Variants in PTPRE observed in about 807,000 individuals in gnomAD.
The protein encoded by PTPRE is protein tyrosine phosphatase receptor type E.
PTPRE carries 51 observed loss-of-function variants against 102.0 expected under a neutral mutation model. That is an observed-to-expected ratio of 0.50 (90% CI 0.40 to 0.63). The LOEUF is 0.63. PTPRE is among the 30% of genes least tolerant of loss of function. The pLI is 0.00. For missense variants in PTPRE, 752 were observed against 915.1 expected, an observed-to-expected ratio of 0.82 and a Z score of 2.30; for synonymous variants, 345 against 348.2, an observed-to-expected ratio of 0.99 and a Z score of 0.10.
intron 3 of PTPRE, among the ~76,000 whole-genome samples, chr10:128,041,646 C>CAAA (rs59411622): frequency 1.9e-4 from 15 of 77,344 alleles, no homozygotes; most frequent in East Asian, 1.6e-3. Flanking sequence ...GACTACGTCT[C>CAAA]AAAAAAAAAA....
At chr10:128,051,453 A>G (rs1367948635) in intron 6 of PTPRE, among the ~76,000 whole-genome samples, 4 of 152,236 alleles carry the variant, frequency 2.6e-5, no homozygotes, top group African/African-American at 4.8e-5. Context: ...AAATAACACG[A>G]CCATAAAGGA....
At chr10:127,994,606 A>G (rs537538828) in intron 2 of PTPRE, among the ~76,000 whole-genome samples, 213 of 152,358 alleles carry the variant, frequency 1.4e-3, no homozygotes, top group Non-Finnish European at 2.4e-3. Context: ...ATAAATAAAT[A>G]CATGAAGTCA....
chr10:128,048,566 C>A (rs1236512394), intron 5 of PTPRE, among the ~76,000 whole-genome samples: 1 of 152,120 alleles, frequency 6.6e-6, no homozygotes, highest in Non-Finnish European at 1.5e-5. Context: ...CAACAAGGAC[C>A]CAGCTGAAAT....
chr10:127,990,046 C>T (rs1371607432), intron 2 of PTPRE, among the ~76,000 whole-genome samples: 3 of 152,084 alleles, frequency 2.0e-5, no homozygotes, highest in African/African-American at 7.2e-5. Flanking sequence ...GCTTAGAGAG[C>T]CAATGTTTGA....
Position 128,008,514 on chromosome 10 carries a change from C to T in PTPRE, c.-8+26218C>T, listed in dbSNP as rs1181627263. Among the ~76,000 whole-genome samples, 1 of 152,148 alleles carries T rather than the reference C, an allele frequency of 6.6e-6. No homozygotes were observed. Among genetic ancestry groups the T allele is most frequent in the Non-Finnish European group, 1.5e-5 (1 of 68,018 alleles). Reference sequence around the variant, plus strand: ...CCAGTTGATCAATATCCCCTTTATTCTAGTAGGTCAGGGGACTCTGGAGTT... The same window carrying T: ...CCAGTTGATCAATATCCCCTTTATTTTAGTAGGTCAGGGGACTCTGGAGTT... On this transcript the variant is annotated intron_variant, in intron 2 of 20. Coordinates refer to ENST00000254667, the MANE Select transcript of PTPRE (RefSeq NM_006504.6). The surrounding 1 kb of genome is among the most constrained non-coding windows in gnomAD (Gnocchi z 4.0).
chr10:128,029,701 T>C (rs1283089735), intron 2 of PTPRE, among the ~76,000 whole-genome samples: 1 of 152,026 alleles, frequency 6.6e-6, no homozygotes, highest in Non-Finnish European at 1.5e-5. Flanking sequence ...AAACAAGCCT[T>C]TCAAGAAGAG....
intron 1 of PTPRE, among the ~76,000 whole-genome samples, chr10:127,912,782 C>T (rs893089545): frequency 6.6e-6 from 1 of 152,340 alleles, no homozygotes; most frequent in East Asian, 1.9e-4. Context: ...TCCCACAATG[C>T]CTGGAGCTCA....
chr10:127,934,175 C>T (rs547842722), intron 1 of PTPRE: 2 of 152,206 alleles, frequency 1.3e-5, no homozygotes, highest in South Asian at 2.1e-4. Context: ...AGTTTGATTT[C>T]CCTTTTTTCT....
Position 128,067,450 on chromosome 10 carries a change from A to G in PTPRE, c.844-673A>G, listed in dbSNP as rs576732130. ...TACGCACCCACATTCACACATGCAC[A>G]CACATGCATACATGTGCACACATTC... On this transcript the variant is annotated intron_variant, in intron 11 of 20. Coordinates refer to ENST00000254667, the MANE Select transcript of PTPRE (RefSeq NM_006504.6). Among the ~76,000 whole-genome samples, 17 of 151,050 alleles carry G rather than the reference A, an allele frequency of 1.1e-4. No homozygotes were observed. In the South Asian group the frequency reaches 3.5e-3, roughly 31 times the overall value.
chr10:128,037,957 A>ATTTTTTTTTTTTTTTTTT (rs34089996), intron 2 of PTPRE, among the ~76,000 whole-genome samples: 3 of 115,956 alleles, frequency 2.6e-5, no homozygotes, highest in African/African-American at 3.3e-5. Flanking sequence ...TGTCCGGCTA[A>ATTTTTTTTTTTTTTTTTT]TTTTTTTTTT....
chr10:128,062,906 A>C, intron 9 of PTPRE, 177 bp from the exon 10 acceptor site: 1 of 1,123,184 alleles, frequency 8.9e-7, no homozygotes, highest in Non-Finnish European at 1.2e-6. Flanking sequence ...GGTGAGTGGC[A>C]GGACAGGCAG....
At chr10:128,024,397 A>G (rs1057222878) in intron 2 of PTPRE, among the ~76,000 whole-genome samples, 1 of 152,224 alleles carries the variant, frequency 6.6e-6, no homozygotes, top group African/African-American at 2.4e-5. Flanking sequence ...TTAGGGTCTG[A>G]GAAAGCGTGC....
chr10:127,909,207 GC>G (rs543854806), intron 1 of PTPRE, among the ~76,000 whole-genome samples: 53 of 152,312 alleles, frequency 3.5e-4, no homozygotes, highest in African/African-American at 1.3e-3. Context: ...GCAAACCATT[GC>G]CCCTGAGAGT....
intron 1 of PTPRE, among the ~76,000 whole-genome samples, chr10:127,947,795 G>C (rs11018411): frequency 0.4 from 60,146 of 152,046 alleles, 13,088 homozygotes; most frequent in African/African-American, 0.58. Flanking sequence ...GTCTACAAGA[G>C]AAACTGACAT....
chr10:128,034,694 T>C (rs1255523653), intron 2 of PTPRE, among the ~76,000 whole-genome samples: 1 of 152,104 alleles, frequency 6.6e-6, no homozygotes, highest in Non-Finnish European at 1.5e-5. Flanking sequence ...AATGAGGTTA[T>C]GAACAGGAAG....
intron 1 of PTPRE, chr10:127,929,331 A>G (rs1187681803): frequency 1.3e-5 from 2 of 152,214 alleles, no homozygotes; most frequent in Non-Finnish European, 2.9e-5. Flanking sequence ...AATCCTTAAT[A>G]TTAATATAAT....
chr10:128,032,379 A>G (rs969051994), intron 2 of PTPRE, among the ~76,000 whole-genome samples: 4 of 152,196 alleles, frequency 2.6e-5, no homozygotes, highest in African/African-American at 9.7e-5. Flanking sequence ...GGTTCTGTAG[A>G]CTGTCCACTT....
At chr10:127,949,807 G>A (rs1430502344) in intron 1 of PTPRE, among the ~76,000 whole-genome samples, 1 of 152,202 alleles carries the variant, frequency 6.6e-6, no homozygotes, top group Non-Finnish European at 1.5e-5. Context: ...CGAAAGCTGA[G>A]TCTCAGCTTT....
intron 1 of PTPRE, among the ~76,000 whole-genome samples, chr10:127,917,896 G>A (rs183957120): frequency 6.6e-6 from 1 of 152,114 alleles, no homozygotes; most frequent in African/African-American, 2.4e-5. Flanking sequence ...TGAGCACGCT[G>A]GCACGCACCT....
Sources: allele counts gnomAD v4.1 joint callset (sites outside exome capture counted in the v4.1 genomes callset), GRCh38; gene constraint gnomAD v4.1.1; non-coding constraint Gnocchi (gnomAD v3.1); transcripts MANE v1.5; gene names NCBI Gene and HGNC (gene_info 2026-07-23, HGNC 2026-07-21).